Variants in MEF2C observed in about 807,000 individuals in gnomAD.
MEF2C encodes myocyte enhancer factor 2C.
In MEF2C, 6 loss-of-function variants were observed where a neutral mutation model predicts 50.5. The observed-to-expected ratio is 0.12, with a 90% CI of 0.07 to 0.23. The LOEUF is 0.23. Among genes scored for constraint, MEF2C ranks in the 10% least tolerant of loss-of-function variants. The probability of loss-of-function intolerance (pLI) is 1.00; values close to 1 mark genes in which losing one functional copy is unlikely to be tolerated. For missense variants in MEF2C, 276 were observed against 605.0 expected (o/e 0.46, Z 5.70); for synonymous variants, 183 against 228.0 (o/e 0.80, Z 1.78).
intron 2 of MEF2C, among the ~76,000 whole-genome samples, chr5:88,815,418 G>T (rs988135183): frequency 4.6e-5 from 7 of 151,986 alleles, no homozygotes; most frequent in Non-Finnish European, 8.8e-5. Flanking sequence ...AGTTACATTT[G>T]TTGAAATGTT....
chr5:88,717,469 T>G lies in MEF2C; in HGVS notation c.*5135A>C, dbSNP rs1329553593. ...GAAAGGGCTACAACTTCATTCATCC[T>G]GGAATCACCACATGAGTTACATATA... is the stretch of plus-strand genomic sequence containing the variant. On this transcript the variant is annotated 3_prime_UTR_variant, in exon 11 of 11. Transcript: ENST00000504921. 1 of 152,244 alleles carries G rather than the reference T, an allele frequency of 6.6e-6. No homozygotes were observed. The highest frequency in any genetic ancestry group is 1.5e-5 in the Non-Finnish European group (1 of 68,036). The allele number at this position is 152,244 out of a possible 1,614,324, so 9.4% of individuals were successfully genotyped here. A position where few individuals can be genotyped will look rare whatever the true frequency, so the allele number is the denominator to read the frequency against.
chr5:88,870,184 TTAATA>T (rs1829074126), intron 1 of MEF2C, among the ~76,000 whole-genome samples: 1 of 152,092 alleles, frequency 6.6e-6, no homozygotes, highest in South Asian at 2.1e-4. Context: ...TACTCAAATT[TTAATA>T]TAATACATTT....
intron 3 of MEF2C, among the ~76,000 whole-genome samples, chr5:88,787,867 G>T (rs1791747367): frequency 6.6e-6 from 1 of 152,168 alleles, no homozygotes; most frequent in Non-Finnish European, 1.5e-5. Context: ...CATTTTTCCT[G>T]TGCCTTTTCC....
At chr5:88,737,558 C>T in intron 6 of MEF2C, 1 of 985,364 alleles carries the variant, frequency 1.0e-6, no homozygotes, top group Non-Finnish European at 1.2e-6. Flanking sequence ...CTAATTTACT[C>T]ATACAGAACT....
At chr5:88,879,720 A>G (rs1832228700) in intron 1 of MEF2C, among the ~76,000 whole-genome samples, 1 of 152,134 alleles carries the variant, frequency 6.6e-6, no homozygotes, top group Non-Finnish European at 1.5e-5. Context: ...ACATACATAA[A>G]AAAGGACATG....
intron 4 of MEF2C, chr5:88,760,881 ATC>A (rs2152668163): frequency 8.0e-7 from 1 of 1,245,780 alleles, no homozygotes. Context: ...ATGGCTATTT[ATC>A]TGTTTGACTT....
rs189571538 is a variant in MEF2C at position 88,797,496 on chromosome 5, T to G, written c.258+7102A>C. ...TTTTTTTTTTTTGCTTTCCATTTGC[T>G]TGGTAAATATTCATCCATCCCTTTA... On this transcript the variant is annotated intron_variant, in intron 3 of 10. Transcript: ENST00000504921. Among the ~76,000 whole-genome samples, 693 of 141,898 alleles carry G rather than the reference T, an allele frequency of 4.9e-3. 1 individual carries two copies. The highest frequency in any genetic ancestry group is 0.01 in the Middle Eastern group (3 of 290). 93.1% of individuals were successfully genotyped at this position (141,898 alleles called of 152,430 possible).
rs1342159885 is a variant in MEF2C, at chr5:88,749,836, C to T, written c.590-719G>A. Among the ~76,000 whole-genome samples, 4 of 152,238 alleles carry T rather than the reference C, an allele frequency of 2.6e-5. No individual in the cohort carries two copies. The South Asian group carries it at 8.3e-4, about 32-fold the overall frequency. On this transcript the variant is annotated intron_variant, in intron 5 of 10. Transcript: ENST00000504921. ...ACGAGGTCAGGAGATAGAGACCATCCTGGCTAACACGGTGAAACCCTGTCT... is the reference window on the plus strand; with the variant it reads ...ACGAGGTCAGGAGATAGAGACCATCTTGGCTAACACGGTGAAACCCTGTCT...
At chr5:88,751,249 C>G in intron 5 of MEF2C, 1 of 985,330 alleles carries the variant, frequency 1.0e-6, no homozygotes, top group Non-Finnish European at 1.2e-6. Context: ...GTGAATTGAA[C>G]AACAGCAAGT....
chr5:88,768,401 T>C (rs1190789373), intron 3 of MEF2C, among the ~76,000 whole-genome samples: 1 of 152,196 alleles, frequency 6.6e-6, no homozygotes. Context: ...AAGGCTGTAG[T>C]AGGGTCCAGA....
intron 4 of MEF2C, chr5:88,760,963 C>T (rs752812753): frequency 6.3e-7 from 1 of 1,595,128 alleles, no homozygotes. Flanking sequence ...TATCAGCAGA[C>T]CAGCCATCTA....
chr5:88,759,097 C>T (rs1776694839), intron 4 of MEF2C, among the ~76,000 whole-genome samples: 1 of 152,218 alleles, frequency 6.6e-6, no homozygotes, highest in African/African-American at 2.4e-5. Context: ...AGGTACTCCG[C>T]CTTAACATCC....
At chr5:88,759,163 A>G (rs1261574254) in intron 4 of MEF2C, among the ~76,000 whole-genome samples, 1 of 152,226 alleles carries the variant, frequency 6.6e-6, no homozygotes, top group Non-Finnish European at 1.5e-5. Flanking sequence ...ATATAGCAAG[A>G]TAAACTCAGA....
intron 6 of MEF2C, chr5:88,741,617 T>A (rs1174140327): frequency 1.0e-6 from 1 of 981,238 alleles, no homozygotes; most frequent in East Asian, 1.1e-4. Context: ...TGTTTGAATA[T>A]GTAAACTGGC....
intron 2 of MEF2C, among the ~76,000 whole-genome samples, chr5:88,818,043 A>G (rs2153188552): frequency 6.6e-6 from 1 of 152,110 alleles, no homozygotes; most frequent in Non-Finnish European, 1.5e-5. Flanking sequence ...CCACCAAAGG[A>G]TGACTACAGT....
chr5:88,821,251 T>G (rs1027767742), intron 2 of MEF2C, among the ~76,000 whole-genome samples: 1 of 151,824 alleles, frequency 6.6e-6, no homozygotes, highest in Non-Finnish European at 1.5e-5. Flanking sequence ...AGTGCGACAT[T>G]AAGATTCTTT....
chr5:88,864,601 T>C (rs1226431255), intron 1 of MEF2C, among the ~76,000 whole-genome samples: 1 of 151,546 alleles, frequency 6.6e-6, no homozygotes, highest in East Asian at 1.9e-4. Context: ...TATGTATATT[T>C]ATATATTTAG....
intron 2 of MEF2C, among the ~76,000 whole-genome samples, chr5:88,816,718 TA>T (rs1326680029): frequency 1.3e-5 from 2 of 151,888 alleles, no homozygotes; most frequent in Non-Finnish European, 2.9e-5. Flanking sequence ...TATGATGTCC[TA>T]AAATATTACT....
rs117821965 is a variant in MEF2C at position 88,766,482 on chromosome 5, T to C, written c.259-5154A>G. Among the ~76,000 whole-genome samples, 80 of 152,376 alleles carry C rather than the reference T, an allele frequency of 5.3e-4. No homozygotes were observed. The East Asian group carries it at 0.013, about 24-fold the overall frequency. On this transcript the variant is annotated intron_variant, in intron 3 of 10. Coordinates refer to ENST00000504921, the MANE Select transcript of MEF2C (RefSeq NM_002397.5). ...GTAAATTATTGACCTTTTTCGATTA[T>C]ATGAAGCTGTATTTTTATATTAATG... is the stretch of plus-strand genomic sequence containing the variant.
Sources: gnomAD v4.1 joint callset for allele counts (sites outside exome capture counted in the v4.1 genomes callset) on GRCh38, gnomAD v4.1.1 for gene constraint, MANE v1.5 for transcripts, NCBI Gene and HGNC (gene_info 2026-07-23, HGNC 2026-07-21) for gene names.